ZNF91: variants seen among roughly 807,000 people sequenced by gnomAD.
ZNF91 encodes the protein zinc finger protein 91 (HPF7, HTF10).
A neutral mutation model predicts 12.6 loss-of-function variants in ZNF91; 7 were observed. The observed-to-expected ratio is 0.55, with a 90% CI of 0.31 to 1.04. The LOEUF is 1.04. ZNF91 is among the 50% of genes least tolerant of loss of function. ZNF91 has a pLI of 0.05. For missense variants in ZNF91, 1,217 were observed against 1,385.4 expected (o/e 0.88, Z 1.93); for synonymous variants, 453 against 462.6 (o/e 0.98, Z 0.27).
At chr19:23,365,556 G>A (rs1182005283) in intron 3 of ZNF91, among the ~76,000 whole-genome samples, 1 of 149,142 alleles carries the variant, frequency 6.7e-6, no homozygotes, top group Non-Finnish European at 1.5e-5. Flanking sequence ...TAAATACACA[G>A]ACAAATATAG....
At chr19:23,366,880 A>G (rs1337400153) in intron 3 of ZNF91, among the ~76,000 whole-genome samples, 1 of 152,246 alleles carries the variant, frequency 6.6e-6, no homozygotes, top group Non-Finnish European at 1.5e-5. Context: ...ATACCATATT[A>G]TAGACCAACT....
intron 1 of ZNF91, among the ~76,000 whole-genome samples, chr19:23,390,353 G>A (rs987870366): frequency 2.0e-5 from 3 of 151,952 alleles, no homozygotes; most frequent in African/African-American, 7.3e-5. Flanking sequence ...AAAGTCATGT[G>A]AAAAAAATGT....
chr19:23,381,357 C>T (rs1969707554), intron 1 of ZNF91, among the ~76,000 whole-genome samples: 1 of 151,790 alleles, frequency 6.6e-6, no homozygotes, highest in Non-Finnish European at 1.5e-5. Flanking sequence ...AGGTTGTCTA[C>T]AAACATTATA....
intron 1 of ZNF91, among the ~76,000 whole-genome samples, chr19:23,383,283 A>G (rs1216298036): frequency 6.6e-6 from 1 of 152,240 alleles, no homozygotes; most frequent in Non-Finnish European, 1.5e-5. Flanking sequence ...GCTTTTGGTA[A>G]ATTTTAACAT....
intron 3 of ZNF91, chr19:23,340,025 T>G (rs575276313): frequency 6.6e-6 from 1 of 150,932 alleles, no homozygotes; most frequent in South Asian, 2.1e-4. Flanking sequence ...TAATAAAACC[T>G]GTGAGATACA....
intron 1 of ZNF91, among the ~76,000 whole-genome samples, chr19:23,377,088 T>C (rs1005543774): frequency 6.6e-6 from 1 of 152,098 alleles, no homozygotes; most frequent in Non-Finnish European, 1.5e-5. Flanking sequence ...TCTTTTTTTT[T>C]TGTCCTCAGG....
At chr19:23,369,305 G>C (rs1969161950) in intron 3 of ZNF91, among the ~76,000 whole-genome samples, 1 of 150,100 alleles carries the variant, frequency 6.7e-6, no homozygotes, top group South Asian at 2.2e-4. Context: ...GCAAGAATTT[G>C]TCTCAGAAAA....
At chr19:23,314,859 C>T (rs1018762604), upstream of ZNF91, among the ~76,000 whole-genome samples, 3 of 152,158 alleles carry the variant, frequency 2.0e-5, no homozygotes, top group African/African-American at 7.2e-5. Context: ...ATGTGACTGT[C>T]CTCTCCTTTC....
chr19:23,352,445 T>C (rs1246779269), intron 3 of ZNF91, among the ~76,000 whole-genome samples: 1 of 152,012 alleles, frequency 6.6e-6, no homozygotes, highest in Non-Finnish European at 1.5e-5. Flanking sequence ...CAATGATTCT[T>C]CCCTACCCAA....
downstream of ZNF91, chr19:23,338,739 T>C (rs966943856): frequency 7.2e-5 from 11 of 152,062 alleles, no homozygotes; most frequent in African/African-American, 2.4e-4. Flanking sequence ...TGAATATAAA[T>C]AAATTAAATC....
intron 3 of ZNF91, among the ~76,000 whole-genome samples, chr19:23,348,507 A>G (rs1371726917): frequency 6.6e-6 from 1 of 152,164 alleles, no homozygotes; most frequent in Non-Finnish European, 1.5e-5. Context: ...TCTTTACTTT[A>G]ATCTCTTAAT....
At chr19:23,373,915 G>C (rs1023556639) in intron 2 of ZNF91, 78 bp from the exon 3 acceptor site, 7 of 859,768 alleles carry the variant, frequency 8.1e-6, no homozygotes, top group Non-Finnish European at 1.2e-5. Flanking sequence ...TCAGTAAAGA[G>C]CATATAATAG....
chr19:23,336,501 T>C (rs1209426034), downstream of ZNF91, among the ~76,000 whole-genome samples: 3 of 152,216 alleles, frequency 2.0e-5, no homozygotes, highest in African/African-American at 4.8e-5. Flanking sequence ...TGTTGCCTGT[T>C]CGTTACTCTA....
Position 23,359,791 on chromosome 19 carries a change from G to T in ZNF91, c.3188C>A (p.Ser1063Ter). 1.9e-6 allele frequency: 3 copies of T among 1,613,976 alleles called. No homozygotes were observed. Among genetic ancestry groups the T allele is most frequent in the Non-Finnish European group, 2.5e-6 (3 of 1,180,010 alleles). Residue 1063 changes from serine (S) to a stop codon, truncating the protein, a stop_gained, in exon 4 of 4, where the codon TCA becomes TAA. Transcript: ENST00000300619. LOFTEE classifies it low-confidence loss of function (END_TRUNC). The stretch of plus-strand genomic sequence containing the variant: ...AATTCTCTTATGTCCATTTAGGGTT[G>T]AGGATGATATAAATGCTTTGCCACA... ...EECGKAFISSSTLNGHKRIHT... is the reference protein window; with the variant it reads ...EECGKAFISS
chr19:23,306,055 C>T (rs537121994), intron 3 of ZNF91, among the ~76,000 whole-genome samples: 1 of 152,170 alleles, frequency 6.6e-6, no homozygotes, highest in Non-Finnish European at 1.5e-5. Flanking sequence ...TAGAAATACT[C>T]ATATAATCTT....
intron 1 of ZNF91, among the ~76,000 whole-genome samples, chr19:23,394,549 G>A (rs1247276434): frequency 6.6e-6 from 1 of 151,966 alleles, no homozygotes; most frequent in Non-Finnish European, 1.5e-5. Flanking sequence ...TGGCCAACAA[G>A]GTGAAACCCC....
At chr19:23,372,944 A>G (rs569183090) in intron 3 of ZNF91, among the ~76,000 whole-genome samples, 3 of 152,222 alleles carry the variant, frequency 2.0e-5, no homozygotes, top group Non-Finnish European at 4.4e-5. Flanking sequence ...CCTGCAGAGC[A>G]AAGTCCTGAA....
intron 1 of ZNF91, among the ~76,000 whole-genome samples, chr19:23,332,299 A>G (rs192594207): frequency 1.3e-5 from 2 of 152,328 alleles, no homozygotes; most frequent in African/African-American, 4.8e-5. Flanking sequence ...TAAGAGCAGA[A>G]GTCATAAGAT....
intron 1 of ZNF91, among the ~76,000 whole-genome samples, chr19:23,390,520 A>C (rs1057445335): frequency 1.3e-4 from 20 of 152,140 alleles, no homozygotes; most frequent in African/African-American, 4.8e-4. Flanking sequence ...ACCACGCCCG[A>C]CTAATTTTTG....
Sources: gnomAD v4.1 joint callset for allele counts (sites outside exome capture counted in the v4.1 genomes callset) on GRCh38, gnomAD v4.1.1 for gene constraint, MANE v1.5 for transcripts, NCBI Gene and HGNC (gene_info 2026-07-23, HGNC 2026-07-21) for gene names.